ZNF804B: variants seen among roughly 807,000 people sequenced by gnomAD.
ZNF804B encodes the protein zinc finger protein 804B, also known as zinc finger 804B.
Under a neutral mutation model 101.4 loss-of-function variants are expected in ZNF804B, and 80 were observed. The ratio of observed to expected loss-of-function variants is 0.79; its 90% CI spans 0.66 to 0.95. The LOEUF (loss-of-function observed/expected upper bound fraction) is 0.95, where lower values mean the gene tolerates loss of function less well. Ranked by LOEUF, ZNF804B falls within the 40% of genes least tolerant of loss-of-function variation. The pLI is 0.00. For synonymous variants in ZNF804B, 622 were observed against 558.8 expected (o/e 1.11, Z -1.59); for missense variants, 1,673 against 1,561.9 (o/e 1.07, Z -1.20).
chr7:89,070,007 T>C (rs552221679), intron 1 of ZNF804B, among the ~76,000 whole-genome samples: 1 of 152,194 alleles, frequency 6.6e-6, no homozygotes, highest in Admixed American at 6.6e-5. Flanking sequence ...AAAGCAAAAT[T>C]ATTGTGTCTA....
chr7:88,896,653 G>T (rs1044026043), intron 1 of ZNF804B, among the ~76,000 whole-genome samples: 1 of 152,194 alleles, frequency 6.6e-6, no homozygotes, highest in Non-Finnish European at 1.5e-5. Flanking sequence ...AATTCTAAGA[G>T]ATAAGTTTAT....
At chr7:89,332,541 G>A (rs1427729810) in intron 3 of ZNF804B, among the ~76,000 whole-genome samples, 1 of 151,782 alleles carries the variant, frequency 6.6e-6, no homozygotes, top group African/African-American at 2.4e-5. Context: ...TTTTATAGTA[G>A]AGGGTATATA....
intron 2 of ZNF804B, among the ~76,000 whole-genome samples, chr7:89,274,234 T>G (rs186197526): frequency 6.8e-6 from 1 of 147,232 alleles, no homozygotes; most frequent in Admixed American, 6.8e-5. Context: ...TATGTATACA[T>G]GTGCCATGCT....
At chr7:89,271,197 G>A (rs1053033242) in intron 2 of ZNF804B, among the ~76,000 whole-genome samples, 1 of 152,160 alleles carries the variant, frequency 6.6e-6, no homozygotes, top group Non-Finnish European at 1.5e-5. Context: ...GATACTGGTT[G>A]TGGGTTTGTC....
intron 1 of ZNF804B, among the ~76,000 whole-genome samples, chr7:88,893,095 TC>T (rs1792236478): frequency 6.6e-6 from 1 of 152,122 alleles, no homozygotes; most frequent in South Asian, 2.1e-4. Context: ...TTGCTTCTTA[TC>T]CCTCAAGCAC....
chr7:89,256,713 T>C (rs1238754938), intron 2 of ZNF804B, among the ~76,000 whole-genome samples: 1 of 152,136 alleles, frequency 6.6e-6, no homozygotes, highest in Non-Finnish European at 1.5e-5. Context: ...ATCCAAAACA[T>C]ATGAAACAAC....
intron 1 of ZNF804B, among the ~76,000 whole-genome samples, chr7:89,085,669 C>T (rs182849952): frequency 5.3e-5 from 8 of 151,944 alleles, no homozygotes; most frequent in Non-Finnish European, 4.4e-5. Context: ...GATTTTTTGT[C>T]TATGTGCAAA....
At chr7:88,912,181 A>C in intron 1 of ZNF804B, among the ~76,000 whole-genome samples, 1 of 151,976 alleles carries the variant, frequency 6.6e-6, no homozygotes, top group Non-Finnish European at 1.5e-5. Flanking sequence ...AGTCATCAAC[A>C]ATTGTTGTTG....
chr7:88,831,300 C>G (rs1429303357), intron 1 of ZNF804B, among the ~76,000 whole-genome samples: 3 of 151,862 alleles, frequency 2.0e-5, no homozygotes, highest in African/African-American at 7.2e-5. Flanking sequence ...TGAAATTTCT[C>G]CTTATATCCT....
chr7:89,151,087 T>A (rs186669498), intron 1 of ZNF804B, among the ~76,000 whole-genome samples: 27 of 152,224 alleles, frequency 1.8e-4, no homozygotes, highest in Non-Finnish European at 2.1e-4. Context: ...AAAGAAAGTT[T>A]AGATGTAAGA....
chr7:89,013,084 G>T (rs2116197182), intron 1 of ZNF804B, among the ~76,000 whole-genome samples: 1 of 152,142 alleles, frequency 6.6e-6, no homozygotes, highest in Admixed American at 6.5e-5. Context: ...CACCATAGGG[G>T]AACCGCCCCC....
intron 1 of ZNF804B, among the ~76,000 whole-genome samples, chr7:89,213,438 A>G (rs1788836019): frequency 6.6e-6 from 1 of 152,262 alleles, no homozygotes; most frequent in Admixed American, 6.5e-5. Flanking sequence ...GGTATTACCC[A>G]TAAGGAGCTA....
intron 2 of ZNF804B, among the ~76,000 whole-genome samples, chr7:89,300,788 T>C (rs943626815): frequency 1.3e-5 from 2 of 151,946 alleles, no homozygotes; most frequent in Admixed American, 1.3e-4. Flanking sequence ...ACTAATAAGC[T>C]TTAATCAGGC....
chr7:89,032,261 A>C, intron 1 of ZNF804B, among the ~76,000 whole-genome samples: 1 of 151,364 alleles, frequency 6.6e-6, no homozygotes, highest in African/African-American at 2.4e-5. Context: ...CTTGTAGGAA[A>C]TGTATGCCCC....
rs1171165341 is a variant in ZNF804B, at chr7:89,298,216, GTATATATATA to G, written c.250-29095_250-29086del. On this transcript the variant is annotated intron_variant, in intron 2 of 3. Transcript: ENST00000333190. ...ATATCTATATAGTGTGTGTGTGTGT[GTATATATATA>G]TATATATATATATATATATATATAT... Among the ~76,000 whole-genome samples, 219 of 27,524 alleles carry G rather than the reference GTATATATATA, an allele frequency of 8.0e-3. 2 individuals carry two copies. Among genetic ancestry groups the G allele is most frequent in the African/African-American group, 0.027 (176 of 6,412 alleles). 18.1% of individuals were successfully genotyped at this position (27,524 alleles called of 152,430 possible).
chr7:88,918,596 T>C (rs900642741), intron 1 of ZNF804B, among the ~76,000 whole-genome samples: 1 of 152,198 alleles, frequency 6.6e-6, no homozygotes, highest in African/African-American at 2.4e-5. Context: ...TTGTCACTCA[T>C]GTCTCTACAT....
intron 1 of ZNF804B, among the ~76,000 whole-genome samples, chr7:89,051,472 G>A (rs1789203504): frequency 2.6e-5 from 4 of 152,054 alleles, no homozygotes. Flanking sequence ...TATTGTTCCT[G>A]TTCATTTTTA....
chr7:89,020,405 T>C (rs1381997472), intron 1 of ZNF804B, among the ~76,000 whole-genome samples: 1 of 152,186 alleles, frequency 6.6e-6, no homozygotes, highest in Non-Finnish European at 1.5e-5. Context: ...CACCTGACCT[T>C]TAAGATTTCT....
chr7:89,229,410 A>T (rs767439820), intron 2 of ZNF804B, among the ~76,000 whole-genome samples: 1 of 152,262 alleles, frequency 6.6e-6, no homozygotes, highest in Non-Finnish European at 1.5e-5. Context: ...CTGGAAGAGC[A>T]GCATTAATTT....
Sources: allele counts gnomAD v4.1 joint callset (sites outside exome capture counted in the v4.1 genomes callset), GRCh38; gene constraint gnomAD v4.1.1; transcripts MANE v1.5; gene names NCBI Gene and HGNC (gene_info 2026-07-23, HGNC 2026-07-21).